The following CUL7 variants were observed in gnomAD, a reference collection of about 807,000 sequenced individuals.
The protein encoded by CUL7 is cullin 7.
CUL7 carries 96 observed loss-of-function variants against 177.7 expected under a neutral mutation model. The observed-to-expected ratio is 0.54, with a 90% confidence interval of 0.46 to 0.64. CUL7 has a LOEUF of 0.64. Ranked by LOEUF, CUL7 falls within the 30% of genes least tolerant of loss-of-function variation. The pLI, the probability that CUL7 is intolerant of heterozygous loss-of-function variation, is 0.00. For missense variants in CUL7, 1,893 were observed against 2,187.9 expected, an observed-to-expected ratio of 0.87 and a Z score of 2.69; for synonymous variants, 824 against 890.2, an observed-to-expected ratio of 0.93 and a Z score of 1.32.
intron 9 of CUL7, 190 bp downstream of exon 9, chr6:43,047,958 G>A (rs547145151): frequency 2.3e-5 from 14 of 599,160 alleles, no homozygotes; most frequent in East Asian, 8.3e-5. Flanking sequence ...TTGTTAGAGC[G>A]TTTTGATTTG....
Position 43,046,384 on chromosome 6 carries a change from C to G in CUL7, c.2512G>C (p.Asp838His), listed in dbSNP as rs1216454960. Reference protein sequence around the residue: ...CQGSSVEVKEDKCWEKVEVSS... With the variant: ...CQGSSVEVKEHKCWEKVEVSS... ...ACCTCCACCTTCTCCCAGCACTTGT[C>G]CTCCTTCACTTCCACACTGGAGCCT... The change falls in exon 12 of 26, where the codon GAC becomes CAC. Residue 838 changes from aspartate to histidine, a missense_variant. By Grantham distance (81) the Asp-to-His change is moderately conservative. Transcript: ENST00000265348. The G allele has an allele frequency of 4.3e-6, 7 of 1,614,176 alleles. No individual in the cohort carries two copies. Among genetic ancestry groups the G allele is most frequent in the Non-Finnish European group, 5.9e-6 (7 of 1,180,044 alleles).
In CUL7 at chr6:43,038,852, T is replaced by C. The variant is rs769111630; in HGVS notation, c.4430A>G (p.Asn1477Ser). The C allele has an allele frequency of 5.0e-6, 8 of 1,614,044 alleles. No individual in the cohort carries two copies. Among genetic ancestry groups the C allele is most frequent in the Non-Finnish European group, 6.8e-6 (8 of 1,180,026 alleles). The part of the protein sequence containing the change: ...TVQMWLLLYL[N>S]DLKAVSVESL... The stretch of plus-strand genomic sequence containing the variant: ...GCGGGGCTGGGCCACCTTCAGGTCG[T>C]TGAGATACAGCAGTAGCCACATCTG... The change falls in exon 23 of 26, where the codon AAC becomes AGC. Residue 1477 changes from asparagine to serine, a missense_variant. Asn to Ser is a conservative substitution (Grantham distance 46). Coordinates refer to ENST00000265348, the MANE Select transcript of CUL7 (RefSeq NM_014780.5).
chr6:43,041,864 C>T (rs111399585), intron 19 of CUL7, among the ~76,000 whole-genome samples: 3,535 of 151,746 alleles, frequency 0.023, 122 homozygotes, highest in African/African-American at 0.08. Flanking sequence ...ATTGGCTGGG[C>T]GTGGTAGCAT....
Position 43,052,898 on chromosome 6 carries a change from G to C in CUL7, c.-8-102C>G. The C allele has an allele frequency of 7.9e-7, 1 of 1,266,954 alleles. No individual in the cohort carries two copies. The highest frequency in any genetic ancestry group is 1.3e-5 in the South Asian group (1 of 77,994). 78.5% of individuals were successfully genotyped at this position (1,266,954 alleles called of 1,614,324 possible). A position where few individuals can be genotyped will look rare whatever the true frequency, so the allele number is the denominator to read the frequency against. On this transcript the variant is annotated intron_variant, in intron 1 of 25. Coordinates refer to ENST00000265348, the MANE Select transcript of CUL7 (RefSeq NM_014780.5). This position sits in a 1 kb window ranked among gnomAD's most constrained non-coding sequence, Gnocchi z 4.5. The stretch of plus-strand genomic sequence containing the variant: ...GGGAAGCAAATGGCAACAGCTGTCA[G>C]GCGGGGTGGGGTAAAGCCAGGCCCA...
At position 43,046,971 on chromosome 6, in the gene CUL7, G is replaced by A; in HGVS notation, c.2306C>T (p.Ala769Val). 1 of 1,613,332 alleles carries A rather than the reference G, an allele frequency of 6.2e-7. No homozygotes were observed. The highest frequency in any genetic ancestry group is 8.5e-7 in the Non-Finnish European group (1 of 1,179,288). Residue 769 changes from alanine to valine, a missense_variant, in exon 10 of 26, where the codon GCT becomes GTT. Transcript: ENST00000265348. ...LEKHLGKLEL[A>V]QELRDMVFKC... is the part of the protein sequence containing the mutation. ...GAACACCATGTCCCGCAGCTCCTGA[G>A]CCAGCTCCAGCTTTCCCAGGTGCTT...
chr6:43,051,381 G>A lies in CUL7; in HGVS notation c.820C>T (p.Pro274Ser). The A allele has an allele frequency of 6.2e-7, 1 of 1,614,014 alleles. No individual in the cohort carries two copies. Among genetic ancestry groups the A allele is most frequent in the Non-Finnish European group, 8.5e-7 (1 of 1,179,952 alleles). Residue 274 changes from proline (P) to serine (S), a missense_variant, in exon 4 of 26, where the codon CCA becomes TCA. By Grantham distance (74) the Pro-to-Ser change is moderately conservative. Around this residue, in one of 5 missense-constraint regions of CUL7, gnomAD observed 653 missense variants for 725.2 expected, o/e 0.90. Coordinates refer to ENST00000265348, the MANE Select transcript of CUL7 (RefSeq NM_014780.5). This position sits in a 1 kb window ranked among gnomAD's most constrained non-coding sequence, Gnocchi z 5.0. ...GGAGCAGAGGTGTTCTGGGCTCCTGGCTCCGCAGCACTGTCGTTCAGCTGA... is the reference window on the plus strand; with the variant it reads ...GGAGCAGAGGTGTTCTGGGCTCCTGACTCCGCAGCACTGTCGTTCAGCTGA... Reference protein sequence around the residue: ...LDQLNDSAAEPGAQNTSAPEE... With the variant: ...LDQLNDSAAESGAQNTSAPEE...
At position 43,038,487 on chromosome 6, in the gene CUL7, G is replaced by GATC. The variant is rs1464025030; in HGVS notation, c.4568-18_4568-16dup. On this transcript the variant is annotated splice_polypyrimidine_tract_variant and intron_variant, in intron 24 of 25. Coordinates refer to ENST00000265348, the MANE Select transcript of CUL7 (RefSeq NM_014780.5). ...CTTGAGGACCCCTGAAATAAATGCTGATCACTCACTCAGTGGAGAGCCCAC... is the reference window on the plus strand; with the variant it reads ...CTTGAGGACCCCTGAAATAAATGCTGATCATCACTCACTCAGTGGAGAGCCCAC... 1 of 1,613,842 alleles carries GATC rather than the reference G, an allele frequency of 6.2e-7. No individual in the cohort carries two copies. Among genetic ancestry groups the GATC allele is most frequent in the Non-Finnish European group, 8.5e-7 (1 of 1,179,898 alleles).
chr6:43,042,642 C>T lies in CUL7; in HGVS notation c.3645+160G>A, dbSNP rs747274344. On this transcript the variant is annotated intron_variant, in intron 19 of 25. Transcript: ENST00000265348. Reference sequence around the variant, plus strand: ...AGGCATGAGCCACCACACCTGGCCACTATTTATTTTTTTCAATTTTTTAAA... The same window carrying T: ...AGGCATGAGCCACCACACCTGGCCATTATTTATTTTTTTCAATTTTTTAAA... Among the ~76,000 whole-genome samples, 6 of 152,174 alleles carry T rather than the reference C, an allele frequency of 3.9e-5. No individual in the cohort carries two copies. In the South Asian group the frequency reaches 1.0e-3, roughly 26 times the overall value.
intron 9 of CUL7, chr6:43,047,836 G>A: frequency 1.0e-5 from 4 of 385,544 alleles, no homozygotes; most frequent in South Asian, 4.1e-5. Flanking sequence ...ATTTGCATAA[G>A]GGAACACGGG....
Position 43,046,237 on chromosome 6 carries a change from T to C in CUL7, c.2659A>G (p.Arg887Gly). 1 of 1,614,172 alleles carries C rather than the reference T, an allele frequency of 6.2e-7. No homozygotes were observed. The highest frequency in any genetic ancestry group is 8.5e-7 in the Non-Finnish European group (1 of 1,180,028). The stretch of plus-strand genomic sequence containing the variant: ...AAAGCACATGTGTGGGAGAGTTACC[T>C]GATGAGGATGCCCCGGCGCATGTGC... ...TLHMRRGILI[R>G]QLTLLVASED... Residue 887 changes from arginine (R) to glycine (G), a missense_variant and splice_region_variant, in exon 12 of 26, where the codon AGG (arginine) becomes GGG (glycine). Around this residue, in one of 5 missense-constraint regions of CUL7, gnomAD observed 973 missense variants for 1,140.9 expected, o/e 0.85. Transcript: ENST00000265348.
At position 43,051,821 on chromosome 6, in the gene CUL7, T is replaced by C; in HGVS notation, c.581-58A>G. 2 of 1,586,824 alleles carry C rather than the reference T, an allele frequency of 1.3e-6. No individual in the cohort carries two copies. Among genetic ancestry groups the C allele is most frequent in the East Asian group, 2.2e-5 (1 of 44,738 alleles). On this transcript the variant is annotated intron_variant, in intron 2 of 25. Coordinates refer to ENST00000265348, the MANE Select transcript of CUL7 (RefSeq NM_014780.5). This position sits in a 1 kb window ranked among gnomAD's most constrained non-coding sequence, Gnocchi z 5.0. ...CTAATCTCACCCTTCCTAGAAATCT[T>C]AGACCCTCTACTCTTTCAATCCAAT...
chr6:43,039,177 T>A (rs181427106), intron 22 of CUL7, among the ~76,000 whole-genome samples, 190 bp from the exon 23 acceptor site: 3 of 152,318 alleles, frequency 2.0e-5, no homozygotes, highest in Admixed American at 6.5e-5. Flanking sequence ...ATGGCAAGCC[T>A]CAGGATCTGG....
rs1763697851 is a variant in CUL7, at chr6:43,044,284, T to C, written c.3172+468A>G. Reference sequence around the variant, plus strand: ...TTGCAGTGAGCCGAGACTGCGCCATTGCACTCCAGTCTAGGCAACAAGAGC... The same window carrying C: ...TTGCAGTGAGCCGAGACTGCGCCATCGCACTCCAGTCTAGGCAACAAGAGC... On this transcript the variant is annotated intron_variant, in intron 16 of 25. Transcript: ENST00000265348. Among the ~76,000 whole-genome samples, 7 of 152,008 alleles carry C rather than the reference T, an allele frequency of 4.6e-5. 1 individual carries two copies. In the South Asian group the frequency reaches 8.3e-4, roughly 18 times the overall value.
At chr6:43,044,499 A>G (rs1763719623) in intron 16 of CUL7, among the ~76,000 whole-genome samples, 1 of 83,116 alleles carries the variant, frequency 1.2e-5, no homozygotes, top group South Asian at 3.7e-4. Context: ...ATCTGTCTCA[A>G]AAAAAAAAAA....
At position 43,043,531 on chromosome 6, in the gene CUL7, G is replaced by T; in HGVS notation, c.3272C>A (p.Ser1091Ter). The change falls in exon 17 of 26, where the codon TCG (serine) becomes TAG (stop). Residue 1091 changes from serine to a stop codon, truncating the protein, a stop_gained. Coordinates refer to ENST00000265348, the MANE Select transcript of CUL7 (RefSeq NM_014780.5). LOFTEE classifies it high-confidence loss of function. The surrounding 1 kb of genome is among the most constrained non-coding windows in gnomAD (Gnocchi z 4.2). ...NPQSRGPAFF[S>*]RVRRLTHLLV... ...CAGGTGAGTGAGACGGCGCACCCGCGAGAAGAAAGCTGGGCCGCGGCTCTG... is the reference window on the plus strand; with the variant it reads ...CAGGTGAGTGAGACGGCGCACCCGCTAGAAGAAAGCTGGGCCGCGGCTCTG... 6.2e-7 allele frequency: 1 copy of T among 1,614,132 alleles called. No individual in the cohort carries two copies. Among genetic ancestry groups the T allele is most frequent in the Non-Finnish European group, 8.5e-7 (1 of 1,179,996 alleles).
chr6:43,038,140 C>G (rs763130685), intron 25 of CUL7, 127 bp downstream of exon 25: 16 of 1,479,810 alleles, frequency 1.1e-5, no homozygotes, highest in Non-Finnish European at 1.4e-5. Context: ...CCCGACCTCA[C>G]TCCTCACACT....
At position 43,046,241 on chromosome 6, in the gene CUL7, G is replaced by A. The variant is rs537225743; in HGVS notation, c.2655C>T (p.Leu885=). The A allele has an allele frequency of 9.9e-6, 16 of 1,614,240 alleles. No homozygotes were observed. In the South Asian group the frequency reaches 1.4e-4, roughly 14 times the overall value. ...YITLHMRRGI[L]IRQLTLLVAS... ...CACATGTGTGGGAGAGTTACCTGAT[G>A]AGGATGCCCCGGCGCATGTGCAGGG... is the stretch of plus-strand genomic sequence containing the variant. Residue 885 remains leucine, a synonymous_variant, in exon 12 of 26, where the codon CTC becomes CTT. Transcript: ENST00000265348.
At chr6:43,041,111 A>C in intron 19 of CUL7, 36 bp from the exon 20 acceptor site, 1 of 1,609,566 alleles carries the variant, frequency 6.2e-7, no homozygotes, top group Non-Finnish European at 8.5e-7. Flanking sequence ...GCCATGAATG[A>C]GCGAGCAGAG....
chr6:43,047,154 C>A (rs201513950), intron 9 of CUL7, 47 bp from the exon 10 acceptor site: 1 of 1,101,536 alleles, frequency 9.1e-7, no homozygotes, highest in South Asian at 1.2e-5. Context: ...AGGGCGAGGG[C>A]CACAAGGGCA....
Sources: allele counts gnomAD v4.1 joint callset (sites outside exome capture counted in the v4.1 genomes callset), GRCh38; gene constraint gnomAD v4.1.1; regional missense constraint gnomAD v4.1.1; non-coding constraint Gnocchi (gnomAD v3.1); transcripts MANE v1.5; gene names NCBI Gene and HGNC (gene_info 2026-07-23, HGNC 2026-07-21).